Variants in CEP135 observed in about 807,000 individuals in gnomAD.
The protein encoded by CEP135 is centrosomal protein 135.
Under a neutral mutation model 157.3 loss-of-function variants are expected in CEP135, and 142 were observed. That is an observed-to-expected ratio of 0.90 (90% CI 0.79 to 1.04). The LOEUF is 1.04. Among genes scored for constraint, CEP135 ranks in the 50% least tolerant of loss-of-function variants. The pLI is 0.00. For synonymous variants in CEP135, 396 were observed against 439.8 expected (o/e 0.90, Z 1.25); for missense variants, 1,317 against 1,309.2 (o/e 1.01, Z -0.09).
At chr4:55,986,735 G>T (rs1020790021) in intron 14 of CEP135, among the ~76,000 whole-genome samples, 16 of 152,128 alleles carry the variant, frequency 1.1e-4, no homozygotes, top group Non-Finnish European at 1.9e-4. Context: ...GCTGAGATTT[G>T]GGGTACAATT....
At chr4:56,028,726 G>A (rs909988369) in intron 25 of CEP135, among the ~76,000 whole-genome samples, 4 of 151,980 alleles carry the variant, frequency 2.6e-5, no homozygotes, top group Non-Finnish European at 4.4e-5. Context: ...CATATCTAAT[G>A]CATGCTATTT....
chr4:55,976,863 G>A (rs1220386507), intron 11 of CEP135, among the ~76,000 whole-genome samples: 1 of 152,160 alleles, frequency 6.6e-6, no homozygotes, highest in Non-Finnish European at 1.5e-5. Flanking sequence ...AGGCTGGAGT[G>A]CAGTGGCATG....
chr4:56,016,786 C>T (rs966814663), intron 21 of CEP135, among the ~76,000 whole-genome samples: 8 of 151,936 alleles, frequency 5.3e-5, no homozygotes, highest in Non-Finnish European at 8.8e-5. Flanking sequence ...GGTGATCTCC[C>T]GCCTCAGCCT....
intron 21 of CEP135, among the ~76,000 whole-genome samples, chr4:56,013,965 A>G (rs112916004): frequency 3.0e-4 from 46 of 152,300 alleles, no homozygotes; most frequent in African/African-American, 1.1e-3. Context: ...AGAGAACACC[A>G]CGTAAAGATG....
chr4:56,001,649 G>A (rs574357726), intron 17 of CEP135, among the ~76,000 whole-genome samples: 1 of 152,106 alleles, frequency 6.6e-6, no homozygotes, highest in South Asian at 2.1e-4. Flanking sequence ...ATGCTGATTG[G>A]ATAGCTGTAT....
At chr4:55,982,127 C>T (rs1050164740) in intron 13 of CEP135, among the ~76,000 whole-genome samples, 7 of 152,188 alleles carry the variant, frequency 4.6e-5, no homozygotes, top group African/African-American at 1.7e-4. Flanking sequence ...CTCCCATCCC[C>T]TCTTAGCCAC....
At chr4:55,985,021 A>G (rs1234466821) in intron 13 of CEP135, among the ~76,000 whole-genome samples, 1 of 151,594 alleles carries the variant, frequency 6.6e-6, no homozygotes, top group Non-Finnish European at 1.5e-5. Context: ...ATCTTTATAA[A>G]TGAATCCTTA....
chr4:56,009,666 A>G lies in CEP135; in HGVS notation c.2337-69A>G, dbSNP rs372803054. On this transcript the variant is annotated intron_variant, in intron 18 of 25. Transcript: ENST00000257287. Reference sequence around the variant, plus strand: ...GTATTCTAAGTATACTTAGACTATAAGTTTTCTTTTAAATGAACTACAGTT... The same window carrying G: ...GTATTCTAAGTATACTTAGACTATAGGTTTTCTTTTAAATGAACTACAGTT... The G allele has an allele frequency of 2.0e-4, 271 of 1,375,362 alleles. 4 individuals carry two copies. The East Asian group carries it at 4.6e-3, about 23-fold the overall frequency. 85.2% of individuals were successfully genotyped at this position (1,375,362 alleles called of 1,614,324 possible).
chr4:55,977,851 CG>C (rs1560406742), intron 11 of CEP135, among the ~76,000 whole-genome samples: 1 of 152,054 alleles, frequency 6.6e-6, no homozygotes. Flanking sequence ...ATCTAGTTAC[CG>C]GTGAATGGTT....
chr4:56,000,872 A>C (rs1023143242), intron 17 of CEP135, among the ~76,000 whole-genome samples: 3 of 152,166 alleles, frequency 2.0e-5, no homozygotes, highest in Non-Finnish European at 4.4e-5. Context: ...TCCCACCAAC[A>C]GTGTACAAGA....
intron 15 of CEP135, among the ~76,000 whole-genome samples, chr4:55,995,091 A>G (rs985092249): frequency 1.3e-5 from 2 of 152,322 alleles, no homozygotes; most frequent in East Asian, 3.9e-4. Context: ...TTAAAGTTAA[A>G]TTACTGTCAT....
chr4:55,957,055 T>C (rs917230466), intron 4 of CEP135, among the ~76,000 whole-genome samples, 168 bp from the exon 5 acceptor site: 21 of 152,204 alleles, frequency 1.4e-4, no homozygotes, highest in African/African-American at 4.8e-4. Flanking sequence ...AATGCATTGT[T>C]TAGTTAAAGA....
At chr4:55,962,641 T>A (rs1311831750) in intron 6 of CEP135, among the ~76,000 whole-genome samples, 1 of 152,082 alleles carries the variant, frequency 6.6e-6, no homozygotes, top group Non-Finnish European at 1.5e-5. Context: ...TTTCTTGACC[T>A]ACTCTGTGGT....
At chr4:55,992,609 A>G (rs767045385) in intron 15 of CEP135, among the ~76,000 whole-genome samples, 5 of 152,210 alleles carry the variant, frequency 3.3e-5, no homozygotes, top group Non-Finnish European at 7.3e-5. Context: ...TGGTGGAAAT[A>G]TGGAACATGG....
At chr4:56,023,897 A>G (rs1339511656) in intron 24 of CEP135, among the ~76,000 whole-genome samples, 1 of 138,800 alleles carries the variant, frequency 7.2e-6, no homozygotes, top group African/African-American at 2.6e-5. Context: ...TGTAATATAT[A>G]TAATATATAT....
intron 9 of CEP135, among the ~76,000 whole-genome samples, chr4:55,971,014 AAAAT>A (rs1463472685): frequency 6.6e-6 from 1 of 152,180 alleles, no homozygotes; most frequent in Admixed American, 6.5e-5. Context: ...CATTTAGAAA[AAAAT>A]AAGACAATAT....
chr4:56,030,162 A>C (rs1661940889), intron 25 of CEP135, among the ~76,000 whole-genome samples: 1 of 152,174 alleles, frequency 6.6e-6, no homozygotes, highest in South Asian at 2.1e-4. Context: ...AAAGGTATTC[A>C]GGGGCAATAA....
intron 17 of CEP135, among the ~76,000 whole-genome samples, chr4:56,004,926 A>AT (rs141401678): frequency 0.19 from 23,888 of 126,162 alleles, 2,367 homozygotes; most frequent in South Asian, 0.34. Flanking sequence ...TAATGCTGCC[A>AT]TTTTTTTTTT....
At position 55,974,907 on chromosome 4, in the gene CEP135, A is replaced by C; in HGVS notation, c.1411A>C (p.Arg471=). The C allele has an allele frequency of 1.2e-6, 2 of 1,613,412 alleles. No homozygotes were observed. The highest frequency in any genetic ancestry group is 1.1e-5 in the South Asian group (1 of 90,928). The change falls in exon 11 of 26, where the codon AGA becomes CGA. Residue 471 remains arginine, a synonymous_variant. Coordinates refer to ENST00000257287, the MANE Select transcript of CEP135 (RefSeq NM_025009.5). ...GAGACTCCAACATATAATACAGCGA[A>C]GATCTTGCTCTACAAGTTATAGCGC... is the stretch of plus-strand genomic sequence containing the variant. The part of the protein sequence containing the change: ...LERLQHIIQR[R]SCSTSYSARE...
Sources: gnomAD v4.1 joint callset for allele counts (sites outside exome capture counted in the v4.1 genomes callset) on GRCh38, gnomAD v4.1.1 for gene constraint, MANE v1.5 for transcripts, NCBI Gene and HGNC (gene_info 2026-07-23, HGNC 2026-07-21) for gene names.